COL6A6: variants seen among roughly 807,000 people sequenced by gnomAD.
COL6A6 encodes the protein collagen alpha-6(VI) chain.
COL6A6 carries 183 observed loss-of-function variants against 208.6 expected under a neutral mutation model. That is an observed-to-expected ratio of 0.88 (90% CI 0.78 to 0.99). COL6A6 has a LOEUF of 0.99. Ranked by LOEUF, COL6A6 falls within the 50% of genes least tolerant of loss-of-function variation. COL6A6 has a pLI of 0.00. For missense variants in COL6A6, 2,816 were observed against 2,815.2 expected (o/e 1.00, Z -0.01); for synonymous variants, 973 against 1,011.8 (o/e 0.96, Z 0.73).
rs766095834 is a variant in COL6A6, at chr3:130,563,427, G to A, written c.424G>A (p.Glu142Lys). 6 of 1,614,024 alleles carry A rather than the reference G, an allele frequency of 3.7e-6. No homozygotes were observed. The highest frequency in any genetic ancestry group is 2.2e-5 in the East Asian group (1 of 44,882). The stretch of plus-strand genomic sequence containing the variant: ...AATTCTAGTGGTCCTGGCTTCATCT[G>A]AGTCTGAGGATAATGTGGAAGAGGC... ...PPILVVLASS[E>K]SEDNVEEASK... Residue 142 changes from glutamate to lysine, a missense_variant, in exon 3 of 37, where the codon GAG becomes AAG. Transcript: ENST00000358511.
At chr3:130,600,395 A>G (rs909560964) in intron 20 of COL6A6, among the ~76,000 whole-genome samples, 2 of 152,196 alleles carry the variant, frequency 1.3e-5, no homozygotes, top group Non-Finnish European at 2.9e-5. Flanking sequence ...AAATCATTCT[A>G]CTAGAAAAAC....
chr3:130,522,553 A>T (rs1711133320), intron 1 of COL6A6, among the ~76,000 whole-genome samples: 2 of 152,166 alleles, frequency 1.3e-5, no homozygotes, highest in South Asian at 4.2e-4. Context: ...TTTCTAATCC[A>T]TACCGCCAGG....
chr3:130,519,218 G>A (rs1710925434), intron 1 of COL6A6, among the ~76,000 whole-genome samples: 1 of 152,036 alleles, frequency 6.6e-6, no homozygotes, highest in Non-Finnish European at 1.5e-5. Flanking sequence ...AATAAAAATT[G>A]GTGCCTTATT....
At chr3:130,548,966 T>C (rs967915127) in intron 1 of COL6A6, among the ~76,000 whole-genome samples, 2 of 152,208 alleles carry the variant, frequency 1.3e-5, no homozygotes, top group Non-Finnish European at 1.5e-5. Flanking sequence ...GCTTTTTACT[T>C]GTTAGGATGG....
At chr3:130,586,327 G>T (rs943800627) in intron 10 of COL6A6, among the ~76,000 whole-genome samples, 179 bp from the exon 11 acceptor site, 6 of 152,124 alleles carry the variant, frequency 3.9e-5, no homozygotes, top group Admixed American at 2.6e-4. Context: ...AATTCCTTTT[G>T]TACTCTTATT....
At chr3:130,636,205 GGAGGTTATCTCTT>G (rs11269759) in intron 28 of COL6A6, among the ~76,000 whole-genome samples, 55,726 of 152,012 alleles carry the variant, frequency 0.37, 13,352 homozygotes, top group African/African-American at 0.66. Flanking sequence ...TTTAGCTCAA[GGAGGTTATCTCTT>G]GAGCTTTGTG....
chr3:130,625,411 C>T (rs1169676125), intron 24 of COL6A6, among the ~76,000 whole-genome samples: 2 of 152,090 alleles, frequency 1.3e-5, no homozygotes, highest in Non-Finnish European at 2.9e-5. Flanking sequence ...AGTAACTTGG[C>T]ATTAGGGAAA....
At chr3:130,642,525 G>A (rs896099070) in intron 29 of COL6A6, among the ~76,000 whole-genome samples, 7 of 152,136 alleles carry the variant, frequency 4.6e-5, no homozygotes, top group Admixed American at 3.9e-4. Flanking sequence ...AGAGCTCTGC[G>A]GCAAGTGTCA....
At chr3:130,607,055 T>A in intron 21 of COL6A6, 89 bp downstream of exon 21, 1 of 1,038,000 alleles carries the variant, frequency 9.6e-7, no homozygotes, top group Non-Finnish European at 1.4e-6. Flanking sequence ...TCTCTAAACT[T>A]CCCTTTTTGA....
At chr3:130,539,223 C>T (rs961246700) in intron 1 of COL6A6, among the ~76,000 whole-genome samples, 1 of 152,208 alleles carries the variant, frequency 6.6e-6, no homozygotes, top group Admixed American at 6.5e-5. Context: ...CCCTGCTGGC[C>T]GCCATGGCTC....
Position 130,566,902 on chromosome 3 carries a change from A to G in COL6A6, c.1483A>G (p.Asn495Asp). Residue 495 changes from asparagine (N) to aspartate (D), a missense_variant, in exon 5 of 37, where the codon AAC becomes GAC. Asn to Asp is a conservative substitution (Grantham distance 23). Transcript: ENST00000358511. ...DLEFEINKYS[N>D]KQDLGKAIEN... ...GGAATTTGAGATCAATAAATACTCC[A>G]ACAAGCAGGATTTGGGAAAGGCCAT... The G allele has an allele frequency of 6.2e-7, 1 of 1,613,990 alleles. No homozygotes were observed. The highest frequency in any genetic ancestry group is 1.1e-5 in the South Asian group (1 of 91,082).
intron 1 of COL6A6, among the ~76,000 whole-genome samples, chr3:130,534,851 AT>A (rs751682637): frequency 1.3e-5 from 2 of 151,676 alleles, no homozygotes; most frequent in Non-Finnish European, 2.9e-5. Flanking sequence ...CTAGAAGTAG[AT>A]TTTTTTCTGT....
Position 130,608,898 on chromosome 3 carries a change from A to G in COL6A6, c.4690-4A>G. On this transcript the variant is annotated splice_region_variant and splice_polypyrimidine_tract_variant and intron_variant, in intron 21 of 36. Coordinates refer to ENST00000358511, the MANE Select transcript of COL6A6 (RefSeq NM_001102608.3). ...GTTAACAGATTGATTCTTTCTCGCC[A>G]CAGGGAACAGCAGGCATCCCAGGAC... The G allele has an allele frequency of 6.2e-7, 1 of 1,608,354 alleles. No individual in the cohort carries two copies.
chr3:130,534,403 T>C (rs1197474951), intron 1 of COL6A6, among the ~76,000 whole-genome samples: 1 of 152,198 alleles, frequency 6.6e-6, no homozygotes, highest in Admixed American at 6.5e-5. Context: ...TATTACTCCT[T>C]ATAGTAGCTT....
chr3:130,549,186 T>C (rs1203640839), intron 1 of COL6A6, among the ~76,000 whole-genome samples: 1 of 152,224 alleles, frequency 6.6e-6, no homozygotes, highest in African/African-American at 2.4e-5. Flanking sequence ...TTTTGTTTTT[T>C]TGAGACAAGG....
intron 35 of COL6A6, among the ~76,000 whole-genome samples, chr3:130,662,841 T>G (rs2065971416): frequency 6.6e-6 from 1 of 152,218 alleles, no homozygotes; most frequent in South Asian, 2.1e-4. Flanking sequence ...TTAGCCTTGT[T>G]AATGGCTCTT....
intron 10 of COL6A6, among the ~76,000 whole-genome samples, chr3:130,586,171 G>T (rs1382133887): frequency 1.3e-5 from 2 of 152,134 alleles, no homozygotes; most frequent in Non-Finnish European, 2.9e-5. Context: ...TTGCCATGTT[G>T]CCCAAGCTGG....
chr3:130,533,253 T>TAAA (rs59750509), intron 1 of COL6A6, among the ~76,000 whole-genome samples: 7,081 of 129,314 alleles, frequency 0.055, 671 homozygotes, highest in African/African-American at 0.2. Context: ...TCCCAGGAAT[T>TAAA]AAAAAAAAAA....
Position 130,568,298 on chromosome 3 carries a change from A to T in COL6A6, c.2095A>T (p.Thr699Ser), listed in dbSNP as rs2063077692. 1 of 1,613,828 alleles carries T rather than the reference A, an allele frequency of 6.2e-7. No individual in the cohort carries two copies. Among genetic ancestry groups the T allele is most frequent in the African/African-American group, 1.3e-5 (1 of 74,890 alleles). Residue 699 changes from threonine (T) to serine (S), a missense_variant, in exon 6 of 37, where the codon ACC (threonine) becomes TCC (serine). By Grantham distance (58) the Thr-to-Ser change is moderately conservative. Coordinates refer to ENST00000358511, the MANE Select transcript of COL6A6 (RefSeq NM_001102608.3). ...IDQMAHIGQT[T>S]LTGSALSFVS... ...CCAAATGGCTCACATTGGACAAACC[A>T]CCCTGACTGGTAGTGCCCTGAGCTT...
Sources: gnomAD v4.1 joint callset for allele counts (sites outside exome capture counted in the v4.1 genomes callset) on GRCh38, gnomAD v4.1.1 for gene constraint, MANE v1.5 for transcripts, NCBI Gene and HGNC (gene_info 2026-07-23, HGNC 2026-07-21) for gene names.